Variants in RPSA2 observed in about 807,000 individuals in gnomAD.
The protein encoded by RPSA2 is small ribosomal subunit protein uS2B.
the RPSA2 span, among the ~76,000 whole-genome samples, chr19:23,826,405 G>A: frequency 4.6e-5 from 7 of 151,810 alleles, no homozygotes; most frequent in South Asian, 2.1e-4. Flanking sequence ...GTTGGCCAGC[G>A]TGGTTTCAAA....
At chr19:23,857,281 G>A in the RPSA2 span, among the ~76,000 whole-genome samples, 8 of 152,268 alleles carry the variant, frequency 5.3e-5, no homozygotes, top group African/African-American at 1.4e-4. Flanking sequence ...TTCAGCTTAT[G>A]AAGATAACAT....
chr19:23,761,094 G>GTC, the RPSA2 span, among the ~76,000 whole-genome samples: 5 of 150,536 alleles, frequency 3.3e-5, no homozygotes, highest in African/African-American at 1.2e-4. Context: ...ATATATGTGT[G>GTC]TGTGTGTGTA....
the RPSA2 span, among the ~76,000 whole-genome samples, chr19:23,868,821 C>T: frequency 6.6e-6 from 1 of 152,118 alleles, no homozygotes; most frequent in Admixed American, 6.5e-5. Flanking sequence ...CTGGAGGAAC[C>T]CATGGTGGCC....
the RPSA2 span, among the ~76,000 whole-genome samples, chr19:23,842,296 GC>G: frequency 2.6e-5 from 4 of 152,114 alleles, no homozygotes; most frequent in African/African-American, 9.7e-5. Flanking sequence ...TTGTGTTTAT[GC>G]CATAAGTTCT....
chr19:23,813,232 C>A, the RPSA2 span, among the ~76,000 whole-genome samples: 2,275 of 120,696 alleles, frequency 0.019, no homozygotes, highest in Admixed American at 0.02. Context: ...GACCCTGTCT[C>A]AAAAAAAAAA....
At chr19:23,854,724 C>A in the RPSA2 span, among the ~76,000 whole-genome samples, 5 of 152,134 alleles carry the variant, frequency 3.3e-5, no homozygotes, top group African/African-American at 1.2e-4. Context: ...TGAGTATGAC[C>A]AAGTTGACTG....
the RPSA2 span, among the ~76,000 whole-genome samples, chr19:23,830,895 A>G: frequency 6.6e-6 from 1 of 152,020 alleles, no homozygotes; most frequent in African/African-American, 2.4e-5. Flanking sequence ...AATCTTTATA[A>G]TGTTGTTCTG....
the RPSA2 span, among the ~76,000 whole-genome samples, chr19:23,804,353 G>T: frequency 1.3e-5 from 2 of 149,118 alleles, no homozygotes; most frequent in African/African-American, 5.0e-5. Flanking sequence ...CTGGAGTGCG[G>T]TGGCGCCATT....
the RPSA2 span, among the ~76,000 whole-genome samples, chr19:23,839,454 G>C: frequency 6.6e-6 from 1 of 152,140 alleles, no homozygotes; most frequent in Non-Finnish European, 1.5e-5. Context: ...CACACCCACT[G>C]CACCCCTCAC....
chr19:23,820,055 A>G, the RPSA2 span, among the ~76,000 whole-genome samples: 9 of 152,322 alleles, frequency 5.9e-5, no homozygotes, highest in Admixed American at 5.2e-4. Context: ...GCCTTGACCC[A>G]TCCTGAAAAG....
At chr19:23,790,800 G>A in the RPSA2 span, 4 of 544,424 alleles carry the variant, frequency 7.3e-6, no homozygotes, top group Non-Finnish European at 1.3e-5. Flanking sequence ...CCGACATCTG[G>A]AGAGGGGCAA....
chr19:23,861,574 G>T, the RPSA2 span, among the ~76,000 whole-genome samples: 4 of 151,952 alleles, frequency 2.6e-5, no homozygotes, highest in Non-Finnish European at 4.4e-5. Flanking sequence ...TTTTCCACCG[G>T]GCCTCAGTCT....
At chr19:23,822,698 G>C in the RPSA2 span, among the ~76,000 whole-genome samples, 2 of 152,110 alleles carry the variant, frequency 1.3e-5, no homozygotes, top group Non-Finnish European at 2.9e-5. Context: ...CACCTCCTGG[G>C]ACAGGGGCTC....
the RPSA2 span, among the ~76,000 whole-genome samples, chr19:23,851,362 G>A: frequency 1.2e-4 from 18 of 152,068 alleles, no homozygotes; most frequent in South Asian, 4.1e-4. Context: ...GAGTGAGATT[G>A]GAACTTCTGA....
the RPSA2 span, among the ~76,000 whole-genome samples, chr19:23,784,869 A>C: frequency 6.6e-6 from 1 of 152,208 alleles, no homozygotes; most frequent in African/African-American, 2.4e-5. Flanking sequence ...GACGGTCTGC[A>C]GAAGAAATTT....
At chr19:23,866,640 G>C in the RPSA2 span, among the ~76,000 whole-genome samples, 52 of 151,522 alleles carry the variant, frequency 3.4e-4, no homozygotes, top group African/African-American at 1.1e-3. Context: ...ATGAGAAGGA[G>C]GCCTGGACCC....
chr19:23,857,656 A>AT, the RPSA2 span, among the ~76,000 whole-genome samples: 2 of 7,364 alleles, frequency 2.7e-4, no homozygotes, highest in Non-Finnish European at 2.3e-3. Flanking sequence ...ACACCTAGCT[A>AT]ATTTTTTTTT....
the RPSA2 span, chr19:23,827,057 T>A: frequency 1.4e-6 from 1 of 703,228 alleles, no homozygotes; most frequent in Admixed American, 2.1e-5. Context: ...TGCTTTTACC[T>A]ATTTGCTTAC....
At chr19:23,860,881 C>A in the RPSA2 span, among the ~76,000 whole-genome samples, 3 of 152,120 alleles carry the variant, frequency 2.0e-5, no homozygotes, top group Non-Finnish European at 2.9e-5. Flanking sequence ...CAATGCAAGA[C>A]CTGCCAATTT....
Sources: allele counts gnomAD v4.1 joint callset (sites outside exome capture counted in the v4.1 genomes callset), GRCh38; gene constraint gnomAD v4.1.1; transcripts MANE v1.5; gene names NCBI Gene and HGNC (gene_info 2026-07-23, HGNC 2026-07-21).